Variants in FBXO9 observed in about 807,000 individuals in gnomAD.
FBXO9 encodes the protein F-box only protein 9.
A neutral mutation model predicts 63.7 loss-of-function variants in FBXO9; 43 were observed. The ratio of observed to expected loss-of-function variants is 0.67; its 90% CI spans 0.53 to 0.87. FBXO9 has a LOEUF of 0.87. FBXO9 is among the 40% of genes least tolerant of loss of function. The pLI, the probability that FBXO9 is intolerant of heterozygous loss-of-function variation, is 0.00. For missense variants in FBXO9, 442 were observed against 533.2 expected, an observed-to-expected ratio of 0.83 and a Z score of 1.68; for synonymous variants, 156 against 171.7, an observed-to-expected ratio of 0.91 and a Z score of 0.72.
At chr6:53,066,227 A>G in intron 1 of FBXO9, 1 of 873,226 alleles carries the variant, frequency 1.1e-6, no homozygotes, top group Non-Finnish European at 1.4e-6. Context: ...TTCTGCGGAA[A>G]AGCCAGGCCC....
At chr6:53,072,406 G>A (rs1768954034) in intron 2 of FBXO9, among the ~76,000 whole-genome samples, 1 of 152,116 alleles carries the variant, frequency 6.6e-6, no homozygotes. Context: ...GAAACAAATG[G>A]GCAGGGAGAA....
chr6:53,088,498 A>G (rs548063570), intron 7 of FBXO9, among the ~76,000 whole-genome samples: 1 of 151,970 alleles, frequency 6.6e-6, no homozygotes. Flanking sequence ...GTTTCTTACT[A>G]CTCTCTCCAG....
chr6:53,092,696 A>G, intron 8 of FBXO9, 38 bp from the exon 9 acceptor site: 1 of 1,490,296 alleles, frequency 6.7e-7, no homozygotes, highest in Non-Finnish European at 9.2e-7. Flanking sequence ...GAATATCTGA[A>G]TATTATAATT....
rs1763233639 is a variant in FBXO9, at chr6:53,097,132, C to T, written c.1206-590C>T. On this transcript the variant is annotated intron_variant, in intron 12 of 12. Coordinates refer to ENST00000323557, the MANE Select transcript of FBXO9 (RefSeq NM_033480.3). ...TTTGTCTCTCTCAGTGGTAGCATAA[C>T]TTACCACCTACTTTCCCTCCCCCCT... Among the ~76,000 whole-genome samples the T allele has an allele frequency of 2.0e-5, 3 of 152,108 alleles. No individual in the cohort carries two copies. The South Asian group carries it at 6.2e-4, about 32-fold the overall frequency.
intron 1 of FBXO9, 70 bp from the exon 2 acceptor site, chr6:53,070,987 A>G (rs1213611945): frequency 1.3e-6 from 2 of 1,544,338 alleles, no homozygotes; most frequent in African/African-American, 2.7e-5. Context: ...TGGCTGAATG[A>G]GAAATGTAGA....
rs745552449 is a variant in FBXO9, at chr6:53,080,937, G to A, written c.408-31G>A. On this transcript the variant is annotated intron_variant, in intron 5 of 12. Coordinates refer to ENST00000323557, the MANE Select transcript of FBXO9 (RefSeq NM_033480.3). Reference sequence around the variant, plus strand: ...CTAAACTGTACGCTTGTAGACTGAGGCACTTAATTTATTCACCTCCCTTTT... The same window carrying A: ...CTAAACTGTACGCTTGTAGACTGAGACACTTAATTTATTCACCTCCCTTTT... 31 of 1,612,004 alleles carry A rather than the reference G, an allele frequency of 1.9e-5. No individual in the cohort carries two copies. In the East Asian group the frequency reaches 6.5e-4, roughly 34 times the overall value.
intron 11 of FBXO9, 58 bp downstream of exon 11, chr6:53,094,036 C>A: frequency 2.8e-6 from 3 of 1,089,298 alleles, no homozygotes; most frequent in South Asian, 1.6e-5. Context: ...TTCATCCAAG[C>A]AGTCTCGATT....
At position 53,078,795 on chromosome 6, in the gene FBXO9, T is replaced by C; in HGVS notation, c.308-4T>C. On this transcript the variant is annotated splice_polypyrimidine_tract_variant and splice_region_variant and intron_variant, in intron 4 of 12. Transcript: ENST00000323557. The stretch of plus-strand genomic sequence containing the variant: ...AGCTAATTTAGCTTTATTTCTTCTT[T>C]TAGCCATCAAGTTTTATCGTAGGGC... 6.2e-7 allele frequency: 1 copy of C among 1,604,592 alleles called. No individual in the cohort carries two copies. Among genetic ancestry groups the C allele is most frequent in the Non-Finnish European group, 8.5e-7 (1 of 1,171,832 alleles).
intron 11 of FBXO9, chr6:53,094,571 G>T (rs1763151220): frequency 5.6e-6 from 1 of 177,538 alleles, no homozygotes; most frequent in Non-Finnish European, 1.2e-5. Context: ...TACCCAAGAA[G>T]CCAGTTGTAT....
chr6:53,093,999 TAATA>T, intron 11 of FBXO9, 21 bp downstream of exon 11: 1 of 1,474,494 alleles, frequency 6.8e-7, no homozygotes, highest in Admixed American at 2.2e-5. Flanking sequence ...GAGGTGTAAT[TAATA>T]GTTTTCTTAT....
At chr6:53,076,931 A>G (rs1769132922) in intron 4 of FBXO9, among the ~76,000 whole-genome samples, 1 of 152,172 alleles carries the variant, frequency 6.6e-6, no homozygotes, top group African/African-American at 2.4e-5. Flanking sequence ...TTGTTTTTCT[A>G]TATAACCTGT....
intron 1 of FBXO9, among the ~76,000 whole-genome samples, chr6:53,069,280 T>C (rs1386012732): frequency 2.6e-5 from 4 of 152,266 alleles, no homozygotes; most frequent in African/African-American, 9.6e-5. Flanking sequence ...TTATATCTGA[T>C]TGGTATCATT....
chr6:53,089,326 C>T (rs913146490), intron 7 of FBXO9, among the ~76,000 whole-genome samples: 8 of 152,090 alleles, frequency 5.3e-5, no homozygotes, highest in Admixed American at 3.3e-4. Flanking sequence ...CCGCCTGCCT[C>T]GGCCTCCCAA....
chr6:53,071,196 T>C (rs1383039693), intron 2 of FBXO9, 53 bp downstream of exon 2: 4 of 1,484,276 alleles, frequency 2.7e-6, no homozygotes, highest in Non-Finnish European at 3.7e-6. Flanking sequence ...CCCATACATA[T>C]GCAGAAATTG....
chr6:53,066,015 C>T, intron 1 of FBXO9: 2 of 1,212,026 alleles, frequency 1.7e-6, no homozygotes, highest in South Asian at 4.0e-5. Flanking sequence ...GCCTCCCCAA[C>T]CCCCGCCGAG....
intron 5 of FBXO9, 146 bp downstream of exon 5, chr6:53,079,044 AAT>A: frequency 3.4e-5 from 1 of 29,714 alleles, no homozygotes; most frequent in Non-Finnish European, 8.2e-5. Flanking sequence ...GAAATTTTTT[AAT>A]TAGGGAAATT....
At chr6:53,065,881 G>C in intron 1 of FBXO9, 89 bp downstream of exon 1, 2 of 1,242,144 alleles carry the variant, frequency 1.6e-6, no homozygotes, top group Non-Finnish European at 2.0e-6. Flanking sequence ...GGGTCGGCGG[G>C]GACTCTGGGG....
chr6:53,070,965 C>G, intron 1 of FBXO9, 92 bp from the exon 2 acceptor site: 3 of 1,538,788 alleles, frequency 1.9e-6, no homozygotes, highest in South Asian at 1.2e-5. Context: ...CAGTATGGTA[C>G]TAAATAGAAA....
intron 1 of FBXO9, among the ~76,000 whole-genome samples, chr6:53,069,269 G>A (rs1028923369): frequency 5.3e-5 from 8 of 152,184 alleles, no homozygotes; most frequent in Non-Finnish European, 2.9e-5. Flanking sequence ...CAAGTATCAA[G>A]TTATATCTGA....
Sources: allele counts gnomAD v4.1 joint callset (sites outside exome capture counted in the v4.1 genomes callset), GRCh38; gene constraint gnomAD v4.1.1; transcripts MANE v1.5; gene names NCBI Gene and HGNC (gene_info 2026-07-23, HGNC 2026-07-21).